RER1: variants seen among roughly 807,000 people sequenced by gnomAD.
RER1 encodes protein RER1.
RER1 carries 6 observed loss-of-function variants against 28.3 expected under a neutral mutation model. The observed-to-expected ratio is 0.21, with a 90% confidence interval of 0.12 to 0.42. The LOEUF is 0.42. RER1 is among the 10% of genes least tolerant of loss of function. RER1 has a pLI of 1.00. For synonymous variants in RER1, 110 were observed against 95.9 expected (o/e 1.15, Z -0.86); for missense variants, 159 against 252.9 (o/e 0.63, Z 2.52).
chr1:2,400,599 A>G (rs55912310), intron 4 of RER1, among the ~76,000 whole-genome samples: 13,884 of 152,208 alleles, frequency 0.091, 836 homozygotes, highest in Middle Eastern at 0.25. Context: ...GTGTTCCTGG[A>G]TGTTTATATG....
intron 3 of RER1, among the ~76,000 whole-genome samples, chr1:2,397,958 C>T (rs990114024): frequency 2.6e-5 from 4 of 151,910 alleles, no homozygotes; most frequent in African/African-American, 9.7e-5. Flanking sequence ...AAGATACTTC[C>T]TTGTTTAAAG....
At chr1:2,393,693 G>A (rs1418813365) in intron 1 of RER1, among the ~76,000 whole-genome samples, 1 of 152,240 alleles carries the variant, frequency 6.6e-6, no homozygotes, top group African/African-American at 2.4e-5. Context: ...GGCAGAGAGT[G>A]GTAGAGCCAG....
intron 5 of RER1, among the ~76,000 whole-genome samples, chr1:2,401,786 C>T (rs941426590): frequency 7.9e-5 from 12 of 151,996 alleles, no homozygotes; most frequent in Admixed American, 5.2e-4. Context: ...CCTCCAGGGC[C>T]GTGGCATCTG....
intron 3 of RER1, among the ~76,000 whole-genome samples, chr1:2,397,902 A>G (rs1642791605): frequency 1.3e-5 from 2 of 152,208 alleles, no homozygotes; most frequent in Admixed American, 1.3e-4. Context: ...AGAGCAGGGC[A>G]TGTTGAAAGC....
chr1:2,400,833 C>A (rs376882772), intron 4 of RER1, 24 bp from the exon 5 acceptor site: 4 of 1,601,068 alleles, frequency 2.5e-6, no homozygotes, highest in Non-Finnish European at 3.4e-6. Flanking sequence ...AGGTGCCCTC[C>A]CTGATGGTTG....
intron 6 of RER1, among the ~76,000 whole-genome samples, chr1:2,402,817 C>T (rs1642890147): frequency 6.6e-6 from 1 of 152,202 alleles, no homozygotes; most frequent in Non-Finnish European, 1.5e-5. Flanking sequence ...CCACGGGAGG[C>T]TCACGAAGCA....
chr1:2,395,780 C>T lies in RER1; in HGVS notation c.-7-4C>T. 1 of 1,606,060 alleles carries T rather than the reference C, an allele frequency of 6.2e-7. No homozygotes were observed. Among genetic ancestry groups the T allele is most frequent in the Non-Finnish European group, 8.5e-7 (1 of 1,172,678 alleles). On this transcript the variant is annotated splice_polypyrimidine_tract_variant and splice_region_variant and intron_variant, in intron 1 of 6. Coordinates refer to ENST00000605895, the MANE Select transcript of RER1 (RefSeq NM_007033.5). The stretch of plus-strand genomic sequence containing the variant: ...CTGAAAAGTATTTTGTGTTTTTCTC[C>T]CAGTTACAGAATGTCTGAAGGGGAC...
chr1:2,399,210 C>G (rs1056027303), intron 3 of RER1, among the ~76,000 whole-genome samples: 4 of 152,234 alleles, frequency 2.6e-5, no homozygotes, highest in Admixed American at 1.3e-4. Context: ...TCCGCTTTGT[C>G]TCTGTTCCCA....
chr1:2,402,063 T>C, intron 5 of RER1, 144 bp from the exon 6 acceptor site: 1 of 1,583,804 alleles, frequency 6.3e-7, no homozygotes, highest in Non-Finnish European at 8.6e-7. Flanking sequence ...GTCCTGCTGC[T>C]GCTGTGCCCA....
rs147367247 is a variant in RER1, at chr1:2,393,548, C to T, written c.-8+1590C>T. ...GGAACAGGGCTGGCACTGCCTTGCC[C>T]GGCTCCAAGGGTGCTCCACGGGCTG... On this transcript the variant is annotated intron_variant, in intron 1 of 6. Coordinates refer to ENST00000605895, the MANE Select transcript of RER1 (RefSeq NM_007033.5). Among the ~76,000 whole-genome samples, 106 of 152,230 alleles carry T rather than the reference C, an allele frequency of 7.0e-4. 1 individual carries two copies. The highest frequency in any genetic ancestry group is 2.4e-3 in the African/African-American group (99 of 41,544).
chr1:2,395,876 G>A lies in RER1; in HGVS notation c.81+5G>A. Reference sequence around the variant, plus strand: ...TTTTTCACAAGACTTGGACAGGTTGGTGGGTTTTTTAGTAGATGAGTATAA... The same window carrying A: ...TTTTTCACAAGACTTGGACAGGTTGATGGGTTTTTTAGTAGATGAGTATAA... On this transcript the variant is annotated splice_donor_5th_base_variant and intron_variant, in intron 2 of 6. Coordinates refer to ENST00000605895, the MANE Select transcript of RER1 (RefSeq NM_007033.5). 2 of 1,611,416 alleles carry A rather than the reference G, an allele frequency of 1.2e-6. No homozygotes were observed. Among genetic ancestry groups the A allele is most frequent in the Non-Finnish European group, 1.7e-6 (2 of 1,177,464 alleles).
chr1:2,395,668 A>T, intron 1 of RER1, 116 bp from the exon 2 acceptor site: 1 of 756,362 alleles, frequency 1.3e-6, no homozygotes, highest in Non-Finnish European at 2.3e-6. Flanking sequence ...CAAATGGTAT[A>T]TGGACAAAAT....
At chr1:2,395,931 A>G (rs1642762070) in intron 2 of RER1, 60 bp downstream of exon 2, 3 of 1,290,318 alleles carry the variant, frequency 2.3e-6, no homozygotes, top group African/African-American at 2.9e-5. Context: ...GACTCCCAGC[A>G]TTTTCGGGAA....
chr1:2,398,225 C>T (rs1320887268), intron 3 of RER1, among the ~76,000 whole-genome samples: 3 of 152,140 alleles, frequency 2.0e-5, no homozygotes, highest in Non-Finnish European at 4.4e-5. Flanking sequence ...GGCGTTCAGC[C>T]GAGGATGGAC....
Position 2,403,216 on chromosome 1 carries a change from G to A in RER1, c.*92G>A, listed in dbSNP as rs377269316. The A allele has an allele frequency of 5.2e-5, 49 of 939,146 alleles. No individual in the cohort carries two copies. The highest frequency in any genetic ancestry group is 1.1e-4 in the South Asian group (8 of 71,218). The allele number at this position is 939,146 out of a possible 1,614,324, so 58.2% of individuals were successfully genotyped here. ...TTCTTCACATAAAGTAGTTGATTAC[G>A]AGGGAGTCAAATTTTCTTTTTAAAA... On this transcript the variant is annotated 3_prime_UTR_variant, in exon 7 of 7. Transcript: ENST00000605895.
At chr1:2,397,251 C>A in intron 3 of RER1, 31 bp downstream of exon 3, 1 of 1,459,536 alleles carries the variant, frequency 6.9e-7, no homozygotes, top group Non-Finnish European at 9.6e-7. Flanking sequence ...CGAGACTTGG[C>A]TCTGTCCACG....
chr1:2,404,370 G>C lies in RER1; in HGVS notation c.*1246G>C, dbSNP rs922463906. On this transcript the variant is annotated 3_prime_UTR_variant, in exon 7 of 7. Transcript: ENST00000605895. ...CGTGTTGAGACACTTGGGATTCTCA[G>C]ACTGTGGACAGGAGTGTTTGTCATT... is the stretch of plus-strand genomic sequence containing the variant. 2.6e-5 allele frequency: 4 copies of C among 152,298 alleles called. No homozygotes were observed. The highest frequency in any genetic ancestry group is 5.9e-5 in the Non-Finnish European group (4 of 68,068). 9.4% of individuals were successfully genotyped at this position (152,298 alleles called of 1,614,324 possible). A position where few individuals can be genotyped will look rare whatever the true frequency, so the allele number is the denominator to read the frequency against.
At position 2,402,938 on chromosome 1, in the gene RER1, A is replaced by G. The variant is rs1642892931; in HGVS notation, c.502-97A>G. ...CTCCGATTCCACTTGTCTGATGTATAGAAAAGATGGGGGACCTTTGGCCGC... is the reference window on the plus strand; with the variant it reads ...CTCCGATTCCACTTGTCTGATGTATGGAAAAGATGGGGGACCTTTGGCCGC... On this transcript the variant is annotated intron_variant, in intron 6 of 6. Coordinates refer to ENST00000605895, the MANE Select transcript of RER1 (RefSeq NM_007033.5). The G allele has an allele frequency of 1.0e-5, 10 of 973,726 alleles. No homozygotes were observed. The South Asian group carries it at 1.5e-4, about 14-fold the overall frequency. 60.3% of individuals were successfully genotyped at this position (973,726 alleles called of 1,614,324 possible).
chr1:2,397,553 C>G (rs962958400), intron 3 of RER1, among the ~76,000 whole-genome samples: 14 of 152,320 alleles, frequency 9.2e-5, no homozygotes, highest in Admixed American at 4.6e-4. Context: ...AGGTTGCGCT[C>G]TGTGGCTGCC....
Sources: allele counts gnomAD v4.1 joint callset (sites outside exome capture counted in the v4.1 genomes callset), GRCh38; gene constraint gnomAD v4.1.1; transcripts MANE v1.5; gene names NCBI Gene and HGNC (gene_info 2026-07-23, HGNC 2026-07-21).